Variants in FGD4 observed in about 807,000 individuals in gnomAD.
FGD4 encodes the protein FYVE, RhoGEF and PH domain-containing protein 4.
FGD4 carries 42 observed loss-of-function variants against 102.0 expected under a neutral mutation model. The ratio of observed to expected loss-of-function variants is 0.41; its 90% CI spans 0.32 to 0.53. The LOEUF is 0.53. Ranked by LOEUF, FGD4 falls within the 20% of genes least tolerant of loss-of-function variation. FGD4 has a pLI of 0.21. For missense variants in FGD4, 902 were observed against 1,078.2 expected (o/e 0.84, Z 2.29); for synonymous variants, 380 against 375.7 (o/e 1.01, Z -0.13).
intron 1 of FGD4, among the ~76,000 whole-genome samples, chr12:32,402,339 A>G (rs11051986): frequency 0.18 from 27,202 of 151,300 alleles, 3,029 homozygotes; most frequent in East Asian, 0.29. Context: ...TGGAGGCTGT[A>G]GTGAGCCATG....
chr12:32,576,073 A>T (rs1445675328), intron 2 of FGD4, among the ~76,000 whole-genome samples, 193 bp from the exon 3 acceptor site: 1 of 152,182 alleles, frequency 6.6e-6, no homozygotes, highest in Non-Finnish European at 1.5e-5. Flanking sequence ...TGGAGATGGG[A>T]TTTCCACAAG....
chr12:32,599,088 C>T (rs182873330), intron 5 of FGD4, among the ~76,000 whole-genome samples: 6 of 152,266 alleles, frequency 3.9e-5, no homozygotes, highest in Admixed American at 2.0e-4. Flanking sequence ...TAAAGTTGCC[C>T]AGCTGATATT....
intron 7 of FGD4, among the ~76,000 whole-genome samples, chr12:32,605,612 A>T (rs1423153614): frequency 6.6e-6 from 1 of 152,188 alleles, no homozygotes; most frequent in African/African-American, 2.4e-5. Flanking sequence ...TGTCATCCAA[A>T]CAAAGTCAAT....
At chr12:32,637,872 A>G (rs552973366) in intron 15 of FGD4, 1 of 152,268 alleles carries the variant, frequency 6.6e-6, no homozygotes, top group Admixed American at 6.5e-5. Flanking sequence ...CCCTCGACAC[A>G]TGGGGATCGT....
intron 4 of FGD4, among the ~76,000 whole-genome samples, chr12:32,586,032 G>A (rs1041146559): frequency 6.6e-6 from 1 of 151,998 alleles, no homozygotes. Flanking sequence ...AGGCAAGATT[G>A]TAGATGCTGC....
chr12:32,507,856 G>A (rs976932209), intron 1 of FGD4, among the ~76,000 whole-genome samples: 1 of 152,230 alleles, frequency 6.6e-6, no homozygotes, highest in Non-Finnish European at 1.5e-5. Flanking sequence ...GGGGATTAAT[G>A]TGATGTTCTC....
At chr12:32,444,304 T>TG (rs968961577) in intron 1 of FGD4, among the ~76,000 whole-genome samples, 1 of 152,150 alleles carries the variant, frequency 6.6e-6, no homozygotes, top group Non-Finnish European at 1.5e-5. Flanking sequence ...GTTACAGGCG[T>TG]GACCCACTGC....
Position 32,492,809 on chromosome 12 carries a change from T to C in FGD4, c.167-71328T>C, listed in dbSNP as rs143491914. On this transcript the variant is annotated intron_variant, in intron 1 of 16. Transcript: ENST00000534526. ...TTTTTTTTTGGTATAAAACCTTAAT[T>C]CCTAGTTCATAGAGTTTTTTAAAAA... Among the ~76,000 whole-genome samples, 285 of 152,296 alleles carry C rather than the reference T, an allele frequency of 1.9e-3. 3 individuals carry two copies. The highest frequency in any genetic ancestry group is 6.7e-3 in the African/African-American group (280 of 41,544).
chr12:32,622,297 A>G (rs935163052), intron 11 of FGD4, among the ~76,000 whole-genome samples: 11 of 152,204 alleles, frequency 7.2e-5, no homozygotes, highest in African/African-American at 2.7e-4. Flanking sequence ...GTCTAACTAC[A>G]GGGTAGATAT....
intron 1 of FGD4, among the ~76,000 whole-genome samples, chr12:32,423,082 A>G (rs1449806057): frequency 6.6e-6 from 1 of 152,058 alleles, no homozygotes; most frequent in African/African-American, 2.4e-5. Context: ...ACTGAACTTG[A>G]GGATATTGTT....
In FGD4 at chr12:32,610,848, G is replaced by A. The variant is rs369728071; in HGVS notation, c.1602+14G>A. 2.2e-5 allele frequency: 35 copies of A among 1,611,782 alleles called. No individual in the cohort carries two copies. In the African/African-American group the frequency reaches 2.5e-4, roughly 12 times the overall value. ...ATAAGGAAAATGGTAAGTGGTTTTCGGAGGAGACAGGAACCTCTGATTAGA... is the reference window on the plus strand; with the variant it reads ...ATAAGGAAAATGGTAAGTGGTTTTCAGAGGAGACAGGAACCTCTGATTAGA... On this transcript the variant is annotated intron_variant, in intron 9 of 16. Coordinates refer to ENST00000534526, the MANE Select transcript of FGD4 (RefSeq NM_001370298.3).
At chr12:32,508,464 C>T (rs1364507567) in intron 1 of FGD4, among the ~76,000 whole-genome samples, 1 of 152,166 alleles carries the variant, frequency 6.6e-6, no homozygotes, top group African/African-American at 2.4e-5. Flanking sequence ...CTTTTATTAT[C>T]ACCACCACAA....
intron 11 of FGD4, among the ~76,000 whole-genome samples, chr12:32,622,413 G>A (rs950203740): frequency 3.3e-5 from 5 of 152,120 alleles, no homozygotes; most frequent in Non-Finnish European, 5.9e-5. Context: ...ATTTTCTTAA[G>A]TACAGGCAAT....
chr12:32,572,865 AT>A (rs1171625953), intron 2 of FGD4, among the ~76,000 whole-genome samples: 3 of 152,202 alleles, frequency 2.0e-5, no homozygotes, highest in Non-Finnish European at 2.9e-5. Context: ...AGCTGGACCT[AT>A]CAATTAAACT....
At position 32,399,571 on chromosome 12, in the gene FGD4, C is replaced by T; in HGVS notation, c.-223C>T. On this transcript the variant is annotated 5_prime_UTR_variant, in exon 1 of 17. The change creates a new upstream start codon in the 5' untranslated region. Coordinates refer to ENST00000534526, the MANE Select transcript of FGD4 (RefSeq NM_001370298.3). ...AGTGCGGGAGCTGCAGATACCGAGA[C>T]GCTGCGACTGCCGCAGGAGTCGCCG... The T allele has an allele frequency of 8.6e-7, 1 of 1,160,052 alleles. No homozygotes were observed. The highest frequency in any genetic ancestry group is 1.2e-6 in the Non-Finnish European group (1 of 864,772). 71.9% of individuals were successfully genotyped at this position (1,160,052 alleles called of 1,614,324 possible). A position where few individuals can be genotyped will look rare whatever the true frequency, so the allele number is the denominator to read the frequency against.
At chr12:32,631,649 C>T (rs1296594417) in intron 14 of FGD4, among the ~76,000 whole-genome samples, 7 of 151,808 alleles carry the variant, frequency 4.6e-5, no homozygotes, top group African/African-American at 1.5e-4. Flanking sequence ...GGACTACAGG[C>T]GGGCTTCACC....
At chr12:32,530,061 T>A (rs1941646133) in intron 1 of FGD4, among the ~76,000 whole-genome samples, 2 of 152,156 alleles carry the variant, frequency 1.3e-5, no homozygotes, top group Admixed American at 1.3e-4. Flanking sequence ...TAGGTTTTAA[T>A]CCAGGAAGTG....
chr12:32,552,663 A>G (rs1943775726), intron 1 of FGD4, among the ~76,000 whole-genome samples: 1 of 152,042 alleles, frequency 6.6e-6, no homozygotes, highest in South Asian at 2.1e-4. Context: ...GAGGGCAAAT[A>G]TGAGGGAGAG....
At chr12:32,636,209 G>A (rs1193425550) in intron 15 of FGD4, among the ~76,000 whole-genome samples, 1 of 152,068 alleles carries the variant, frequency 6.6e-6, no homozygotes, top group Non-Finnish European at 1.5e-5. Flanking sequence ...GATTTGGCTT[G>A]TGAGTTATCG....
Sources: gnomAD v4.1 joint callset for allele counts (sites outside exome capture counted in the v4.1 genomes callset) on GRCh38, gnomAD v4.1.1 for gene constraint, MANE v1.5 for transcripts, NCBI Gene and HGNC (gene_info 2026-07-23, HGNC 2026-07-21) for gene names.